The following DSCAML1 variants were observed in gnomAD, a reference collection of about 807,000 sequenced individuals.
DSCAML1 encodes the protein cell adhesion molecule DSCAML1.
A neutral mutation model predicts 200.5 loss-of-function variants in DSCAML1; 38 were observed. The ratio of observed to expected loss-of-function variants is 0.19; its 90% CI spans 0.15 to 0.25. The LOEUF is 0.25. Among genes scored for constraint, DSCAML1 ranks in the 10% least tolerant of loss-of-function variants. DSCAML1 has a pLI of 1.00. For synonymous variants in DSCAML1, 1,215 were observed against 1,165.0 expected (o/e 1.04, Z -0.87); for missense variants, 2,223 against 2,858.8 (o/e 0.78, Z 5.07).
At chr11:117,711,459 A>G (rs2137769785) in intron 3 of DSCAML1, among the ~76,000 whole-genome samples, 1 of 152,292 alleles carries the variant, frequency 6.6e-6, no homozygotes, top group East Asian at 1.9e-4. Flanking sequence ...GGCTTAGGTG[A>G]AGGTTCAGGG....
chr11:117,686,709 A>G (rs1300364702), intron 3 of DSCAML1, among the ~76,000 whole-genome samples: 2 of 152,190 alleles, frequency 1.3e-5, no homozygotes, highest in African/African-American at 2.4e-5. Flanking sequence ...AGGCAGGCAC[A>G]TGCCTGGGAG....
rs548587401 is a variant in DSCAML1 at position 117,504,240 on chromosome 11, A to T, written c.2183-219T>A. ...CTTGCCCCAGCTCTGATGCAAGGAG[A>T]TGGGGTTGGGAGTCTCAGCTCAATG... is the stretch of plus-strand genomic sequence containing the variant. On this transcript the variant is annotated intron_variant, in intron 10 of 32. Transcript: ENST00000651296. The surrounding 1 kb of genome is among the most constrained non-coding windows in gnomAD (Gnocchi z 5.0). 6.6e-6 allele frequency among the ~76,000 whole-genome samples: 1 copy of T among 152,264 alleles called. No individual in the cohort carries two copies. Among genetic ancestry groups the T allele is most frequent in the South Asian group, 2.1e-4 (1 of 4,828 alleles).
In DSCAML1 at chr11:117,428,337, G is replaced by C. The variant is rs752650717; in HGVS notation, c.6153C>G (p.Thr2051=). Reference sequence around the variant, plus strand: ...GCTCTTCCTGCGGGCCCTACACCAGGGTGTAGGATTTGGAGTAGGCCCCGG... The same window carrying C: ...GCTCTTCCTGCGGGCCCTACACCAGCGTGTAGGATTTGGAGTAGGCCCCGG... ...QGAGAYSKSY[T]LV The change falls in exon 33 of 33, where the codon ACC becomes ACG. Residue 2051 remains threonine, a synonymous_variant. Transcript: ENST00000651296. The C allele has an allele frequency of 5.2e-6, 8 of 1,549,298 alleles. No individual in the cohort carries two copies. The Admixed American group carries it at 9.0e-5, about 17-fold the overall frequency.
rs2047898665 is a variant in DSCAML1, at chr11:117,435,588, C to T, written c.4876+56G>A. On this transcript the variant is annotated intron_variant, in intron 27 of 32. Transcript: ENST00000651296. ...GCTGTGAGCCAGGGAAGGGGGGGGACAATGTGGCTGAGAGCCAACACCCCC... is the reference window on the plus strand; with the variant it reads ...GCTGTGAGCCAGGGAAGGGGGGGGATAATGTGGCTGAGAGCCAACACCCCC... The T allele has an allele frequency of 2.6e-6, 4 of 1,532,450 alleles. No individual in the cohort carries two copies. The Admixed American group carries it at 5.4e-5, about 21-fold the overall frequency. The allele number at this position is 1,532,450 out of a possible 1,614,324, so 94.9% of individuals were successfully genotyped here. A position where few individuals can be genotyped will look rare whatever the true frequency, so the allele number is the denominator to read the frequency against.
At chr11:117,678,127 T>C (rs2053249347) in intron 3 of DSCAML1, among the ~76,000 whole-genome samples, 1 of 152,188 alleles carries the variant, frequency 6.6e-6, no homozygotes, top group African/African-American at 2.4e-5. Flanking sequence ...ACAAGCTCGC[T>C]CTACCAGCTG....
chr11:117,481,929 T>G, intron 12 of DSCAML1, 34 bp downstream of exon 12: 1 of 1,611,482 alleles, frequency 6.2e-7, no homozygotes. Flanking sequence ...CTCTGAGAGT[T>G]GGGGTCCCCC....
At chr11:117,736,065 C>T (rs376936592) in intron 3 of DSCAML1, among the ~76,000 whole-genome samples, 11 of 152,172 alleles carry the variant, frequency 7.2e-5, no homozygotes, top group Non-Finnish European at 1.6e-4. Flanking sequence ...TTATCTACTG[C>T]TGCAAAACAA....
rs2055215609 is a variant in DSCAML1 at position 117,780,236 on chromosome 11, GAAAGAAAGAAA to G, written c.364+246_364+256del. Among the ~76,000 whole-genome samples the G allele has an allele frequency of 1.1e-4, 6 of 52,778 alleles. No individual in the cohort carries two copies. Among genetic ancestry groups the G allele is most frequent in the African/African-American group, 4.4e-4 (6 of 13,540 alleles). The allele number at this position is 52,778 out of a possible 152,430, so 34.6% of individuals were successfully genotyped here. On this transcript the variant is annotated intron_variant, in intron 2 of 32. Transcript: ENST00000651296. The surrounding 1 kb of genome is among the most constrained non-coding windows in gnomAD (Gnocchi z 4.8). Reference sequence around the variant, plus strand: ...GAGAGAGAGAAAGAAAGAAAGGAAAGAAAGAAAGAAAGAAAGAAAGAAAGAAAGAAAGAAAG... The same window carrying G: ...GAGAGAGAGAAAGAAAGAAAGGAAAGGAAAGAAAGAAAGAAAGAAAGAAAG...
At chr11:117,445,671 G>A (rs144755077) in intron 20 of DSCAML1, among the ~76,000 whole-genome samples, 4 of 152,310 alleles carry the variant, frequency 2.6e-5, no homozygotes, top group South Asian at 2.1e-4. Flanking sequence ...GTACAGGAAC[G>A]TATGTGTTTC....
intron 3 of DSCAML1, among the ~76,000 whole-genome samples, chr11:117,612,845 G>A (rs576250366): frequency 2.0e-5 from 3 of 152,346 alleles, no homozygotes; most frequent in Admixed American, 6.5e-5. Context: ...TGAACAGATG[G>A]TGCTGATGGA....
chr11:117,556,605 T>C (rs1216881109), intron 3 of DSCAML1, among the ~76,000 whole-genome samples: 1 of 152,144 alleles, frequency 6.6e-6, no homozygotes. Flanking sequence ...ATGCATCCCA[T>C]GGACCTACCC....
intron 3 of DSCAML1, among the ~76,000 whole-genome samples, chr11:117,742,891 C>A (rs544059083): frequency 6.6e-6 from 1 of 152,214 alleles, no homozygotes; most frequent in South Asian, 2.1e-4. Context: ...CAGGAAATGG[C>A]GATTAACATG....
chr11:117,773,562 C>G (rs1418607290), intron 3 of DSCAML1, among the ~76,000 whole-genome samples: 3 of 149,076 alleles, frequency 2.0e-5, no homozygotes, highest in Admixed American at 1.3e-4. Flanking sequence ...CACACACACA[C>G]AGCACAGCAC....
At chr11:117,540,839 A>C (rs2050255088) in intron 3 of DSCAML1, among the ~76,000 whole-genome samples, 1 of 139,646 alleles carries the variant, frequency 7.2e-6, no homozygotes, top group Non-Finnish European at 1.6e-5. Flanking sequence ...CTTAAAGTAC[A>C]GTAATAATAA....
chr11:117,718,680 C>CAA (rs1485784835), intron 3 of DSCAML1, among the ~76,000 whole-genome samples: 6 of 98,040 alleles, frequency 6.1e-5, no homozygotes, highest in African/African-American at 2.2e-4. Context: ...CCCCCCCCCC[C>CAA]CCCATCATAT....
In DSCAML1 at chr11:117,504,910, G is replaced by A; in HGVS notation, c.2182+14C>T. 6.3e-7 allele frequency: 1 copy of A among 1,594,628 alleles called. No homozygotes were observed. On this transcript the variant is annotated intron_variant, in intron 10 of 32. Transcript: ENST00000651296. The surrounding 1 kb of genome is among the most constrained non-coding windows in gnomAD (Gnocchi z 5.0). ...CTGCCCTTCTTGGAGATTCTGGCTG[G>A]GCCAGGGGCTTACCCTTGGCATGCT...
In DSCAML1 at chr11:117,697,473, T is replaced by C. The variant is rs777865679; in HGVS notation, c.511+79318A>G. On this transcript the variant is annotated intron_variant, in intron 3 of 32. Coordinates refer to ENST00000651296, the MANE Select transcript of DSCAML1 (RefSeq NM_020693.4). ...AATATAAAATTTACCAACCCGTTTT[T>C]AAGTGTACCATTCAGCAGTGTTAAG... 5.9e-5 allele frequency among the ~76,000 whole-genome samples: 9 copies of C among 152,218 alleles called. 1 individual carries two copies. The highest frequency in any genetic ancestry group is 6.3e-3 in the Middle Eastern group (2 of 316).
At chr11:117,761,382 C>A (rs2054799508) in intron 3 of DSCAML1, among the ~76,000 whole-genome samples, 2 of 152,244 alleles carry the variant, frequency 1.3e-5, no homozygotes, top group Non-Finnish European at 2.9e-5. Context: ...TCCTCCCTTC[C>A]TCCTCCTACA....
intron 3 of DSCAML1, among the ~76,000 whole-genome samples, chr11:117,759,330 T>C (rs1402124783): frequency 1.3e-5 from 2 of 152,014 alleles, no homozygotes; most frequent in Admixed American, 6.6e-5. Flanking sequence ...ACAGGGGAGA[T>C]CATTGTTTCA....
Sources: allele counts gnomAD v4.1 joint callset (sites outside exome capture counted in the v4.1 genomes callset), GRCh38; gene constraint gnomAD v4.1.1; non-coding constraint Gnocchi (gnomAD v3.1); transcripts MANE v1.5; gene names NCBI Gene and HGNC (gene_info 2026-07-23, HGNC 2026-07-21).